The following PGPEP1L variants were observed in gnomAD, a reference collection of about 807,000 sequenced individuals.
PGPEP1L encodes pyroglutamyl-peptidase 1-like protein.
PGPEP1L carries 7 observed loss-of-function variants against 6.0 expected under a neutral mutation model. That is an observed-to-expected ratio of 1.17 (90% CI 0.66 to 2.19). The LOEUF (loss-of-function observed/expected upper bound fraction) is 2.19, where lower values mean the gene tolerates loss of function less well. PGPEP1L is among the 30% of genes most tolerant of loss of function. The pLI is 0.00. For synonymous variants in PGPEP1L, 103 were observed against 83.9 expected (o/e 1.23, Z -1.24); for missense variants, 209 against 192.5 (o/e 1.09, Z -0.51).
At chr15:99,006,214 G>A (rs1567246421) in intron 1 of PGPEP1L, among the ~76,000 whole-genome samples, 1 of 152,216 alleles carries the variant, frequency 6.6e-6, no homozygotes, top group Non-Finnish European at 1.5e-5. Flanking sequence ...GATTCTTTCT[G>A]TGCCCCAGGC....
At chr15:98,985,475 T>C (rs2151760760) in intron 2 of PGPEP1L, among the ~76,000 whole-genome samples, 1 of 152,292 alleles carries the variant, frequency 6.6e-6, no homozygotes, top group East Asian at 1.9e-4. Flanking sequence ...GAAGCGGAAG[T>C]TGCAGTGAGC....
chr15:98,996,522 GTA>G (rs2017889774), intron 2 of PGPEP1L, among the ~76,000 whole-genome samples: 2 of 8,490 alleles, frequency 2.4e-4, no homozygotes, highest in African/African-American at 1.3e-3. Context: ...GTATATAGGG[GTA>G]TGTGTGTGTG....
At chr15:98,991,806 A>C (rs2151762944) in intron 2 of PGPEP1L, among the ~76,000 whole-genome samples, 1 of 152,376 alleles carries the variant, frequency 6.6e-6, no homozygotes, top group South Asian at 2.1e-4. Context: ...CAACATATGC[A>C]AATCAATAAA....
At chr15:98,986,268 G>A (rs1555471488) in intron 2 of PGPEP1L, among the ~76,000 whole-genome samples, 1 of 152,148 alleles carries the variant, frequency 6.6e-6, no homozygotes, top group Non-Finnish European at 1.5e-5. Flanking sequence ...GATGGGATCT[G>A]GCCACCAGAA....
chr15:98,974,270 T>G (rs1345448676), intron 2 of PGPEP1L, among the ~76,000 whole-genome samples: 2 of 151,940 alleles, frequency 1.3e-5, no homozygotes, highest in Non-Finnish European at 2.9e-5. Context: ...TCCCAGCTAC[T>G]CAAGAGGCTG....
chr15:99,004,962 G>A (rs1555473446), intron 2 of PGPEP1L, among the ~76,000 whole-genome samples: 2 of 152,054 alleles, frequency 1.3e-5, no homozygotes, highest in Admixed American at 6.6e-5. Flanking sequence ...AGTGGGGACT[G>A]TGTGTTCCTT....
chr15:98,978,887 G>A lies in PGPEP1L; in HGVS notation c.-141-7729C>T, dbSNP rs186316455. 3.9e-3 allele frequency among the ~76,000 whole-genome samples: 594 copies of A among 151,680 alleles called. 4 individuals are homozygous for A. The highest frequency in any genetic ancestry group is 0.013 in the African/African-American group (536 of 41,346). On this transcript the variant is annotated intron_variant, in intron 2 of 4. Coordinates refer to ENST00000535714, the MANE Select transcript of PGPEP1L (RefSeq NM_001167902.2). ...TGGGACTACAGGCACGCGCCATCAC[G>A]CCCAGTTAATTTTTGTGTTTTTAGT...
At chr15:99,000,284 C>T (rs1293146703) in intron 2 of PGPEP1L, among the ~76,000 whole-genome samples, 1 of 152,110 alleles carries the variant, frequency 6.6e-6, no homozygotes, top group African/African-American at 2.4e-5. Context: ...TGCCGGAGCT[C>T]CCCCTCCTCC....
chr15:98,988,056 C>T (rs987904525), intron 2 of PGPEP1L, among the ~76,000 whole-genome samples: 3 of 152,298 alleles, frequency 2.0e-5, no homozygotes, highest in Admixed American at 6.5e-5. Context: ...CAAAACTGGA[C>T]GGGGGTTTGG....
Position 98,968,483 on chromosome 15 carries a change from T to C in PGPEP1L, c.424A>G (p.Asn142Asp), listed in dbSNP as rs780988947. 6.8e-6 allele frequency: 11 copies of C among 1,612,856 alleles called. No homozygotes were observed. In the South Asian group the frequency reaches 1.1e-4, roughly 16 times the overall value. ...NSTMVLPAKG[N>D] The stretch of plus-strand genomic sequence containing the variant: ...CTAGAGGAGCAATCCCCCGGTCAGT[T>C]CCCTTTGGCTGGAAGGACCATGGTT... The change falls in exon 5 of 5, where the codon AAC becomes GAC. Residue 142 changes from asparagine to aspartate, a missense_variant. Physicochemically the swap from Asn to Asp is conservative, Grantham distance 23. Coordinates refer to ENST00000535714, the MANE Select transcript of PGPEP1L (RefSeq NM_001167902.2).
chr15:98,970,830 T>C (rs1410684874), intron 3 of PGPEP1L, among the ~76,000 whole-genome samples: 2 of 152,214 alleles, frequency 1.3e-5, no homozygotes, highest in African/African-American at 2.4e-5. Context: ...CTCCAGATTT[T>C]CTATTAAGAT....
intron 2 of PGPEP1L, among the ~76,000 whole-genome samples, chr15:98,976,491 C>A (rs1268415583): frequency 6.6e-6 from 1 of 152,226 alleles, no homozygotes; most frequent in Non-Finnish European, 1.5e-5. Flanking sequence ...ACAATAAAAT[C>A]TGAAGCCTAA....
At chr15:98,973,196 G>A (rs950043641) in intron 2 of PGPEP1L, among the ~76,000 whole-genome samples, 2 of 152,274 alleles carry the variant, frequency 1.3e-5, no homozygotes, top group Non-Finnish European at 2.9e-5. Context: ...TGACACCAGA[G>A]CACCTGAATA....
At chr15:99,006,638 G>A (rs2018068703) in intron 1 of PGPEP1L, among the ~76,000 whole-genome samples, 1 of 152,140 alleles carries the variant, frequency 6.6e-6, no homozygotes, top group Non-Finnish European at 1.5e-5. Context: ...AGATCAACCT[G>A]GGCAACGTGG....
intron 2 of PGPEP1L, among the ~76,000 whole-genome samples, chr15:98,989,706 A>C (rs1555471873): frequency 6.6e-6 from 1 of 152,210 alleles, no homozygotes; most frequent in Non-Finnish European, 1.5e-5. Flanking sequence ...GAAATGAAGT[A>C]AAAAATGTTA....
At position 98,997,166 on chromosome 15, in the gene PGPEP1L, G is replaced by A. The variant is rs782327864; in HGVS notation, c.-142+8263C>T. On this transcript the variant is annotated intron_variant, in intron 2 of 4. Transcript: ENST00000535714. Reference sequence around the variant, plus strand: ...TGCCTGCAGACACACAGGAGCCCATGAAAGCCCCAAGCTGGCCTTTCTGGT... The same window carrying A: ...TGCCTGCAGACACACAGGAGCCCATAAAAGCCCCAAGCTGGCCTTTCTGGT... Among the ~76,000 whole-genome samples the A allele has an allele frequency of 6.4e-4, 98 of 152,198 alleles. 3 individuals are homozygous for A. The highest frequency in any genetic ancestry group is 1.2e-4 in the Non-Finnish European group (8 of 68,038).
At chr15:98,998,585 G>A (rs1044803433) in intron 2 of PGPEP1L, among the ~76,000 whole-genome samples, 1 of 152,216 alleles carries the variant, frequency 6.6e-6, no homozygotes, top group African/African-American at 2.4e-5. Flanking sequence ...AATGGTGTTA[G>A]AACAATTAGA....
intron 1 of PGPEP1L, among the ~76,000 whole-genome samples, chr15:99,007,052 G>A (rs1219994332): frequency 3.3e-5 from 5 of 152,224 alleles, no homozygotes; most frequent in East Asian, 3.9e-4. Flanking sequence ...GATCACCCCC[G>A]CGGATTAGAC....
intron 2 of PGPEP1L, among the ~76,000 whole-genome samples, chr15:99,000,360 TC>T (rs2017946741): frequency 6.6e-6 from 1 of 152,170 alleles, no homozygotes; most frequent in African/African-American, 2.4e-5. Flanking sequence ...CCCAGTCCCA[TC>T]GACCACCCCA....
Sources: allele counts gnomAD v4.1 joint callset (sites outside exome capture counted in the v4.1 genomes callset), GRCh38; gene constraint gnomAD v4.1.1; transcripts MANE v1.5; gene names NCBI Gene and HGNC (gene_info 2026-07-23, HGNC 2026-07-21).